Variants in UHRF2 observed in about 807,000 individuals in gnomAD.
The protein encoded by UHRF2 is ubiquitin like with PHD and ring finger domains 2, also known as E3 ubiquitin-protein ligase UHRF2.
A neutral mutation model predicts 96.8 loss-of-function variants in UHRF2; 23 were observed. The ratio of observed to expected loss-of-function variants is 0.24; its 90% confidence interval spans 0.17 to 0.34. UHRF2 has a LOEUF of 0.34. UHRF2 is among the 10% of genes least tolerant of loss of function. The pLI is 1.00. For missense variants in UHRF2, 685 were observed against 981.5 expected, an observed-to-expected ratio of 0.70 and a Z score of 4.04; for synonymous variants, 385 against 332.6, an observed-to-expected ratio of 1.16 and a Z score of -1.72.
At chr9:6,436,288 G>A (rs1328018798) in intron 3 of UHRF2, among the ~76,000 whole-genome samples, 5 of 152,118 alleles carry the variant, frequency 3.3e-5, no homozygotes, top group Non-Finnish European at 7.4e-5. Flanking sequence ...TTGTGGCTAA[G>A]CGGCCAACAC....
intron 2 of UHRF2, among the ~76,000 whole-genome samples, chr9:6,426,099 C>T (rs567552030): frequency 7.2e-5 from 11 of 152,344 alleles, no homozygotes; most frequent in Non-Finnish European, 1.3e-4. Context: ...ACTTAAATTT[C>T]TGTTTAGCAA....
intron 3 of UHRF2, among the ~76,000 whole-genome samples, chr9:6,438,091 A>G (rs1820957561): frequency 6.6e-6 from 1 of 152,234 alleles, no homozygotes; most frequent in Non-Finnish European, 1.5e-5. Flanking sequence ...AGAGTAGCCA[A>G]AAAAACTAAA....
At chr9:6,424,776 ATT>A (rs200890506) in intron 2 of UHRF2, among the ~76,000 whole-genome samples, 20 of 135,064 alleles carry the variant, frequency 1.5e-4, no homozygotes, top group African/African-American at 4.2e-4. Flanking sequence ...ATTTCTCAGG[ATT>A]TTTTTTTTTT....
intron 3 of UHRF2, among the ~76,000 whole-genome samples, chr9:6,445,552 C>T (rs574967432): frequency 3.0e-4 from 46 of 152,224 alleles, no homozygotes; most frequent in African/African-American, 1.1e-3. Flanking sequence ...TGAGCCACCA[C>T]GCCTAGCCTC....
intron 10 of UHRF2, 76 bp downstream of exon 10, chr9:6,494,008 G>T (rs571317691): frequency 7.1e-6 from 9 of 1,274,052 alleles, no homozygotes; most frequent in African/African-American, 1.5e-5. Flanking sequence ...TGTAACTTAC[G>T]TTGCAGAGGA....
intron 3 of UHRF2, chr9:6,449,380 C>T (rs1015809862): frequency 2.0e-5 from 3 of 152,224 alleles, no homozygotes; most frequent in Non-Finnish European, 2.9e-5. Flanking sequence ...GAACAGCACT[C>T]AGGCTTTTCC....
rs766214915 is a variant in UHRF2, at chr9:6,482,057, T to C, written c.1350T>C (p.Ile450=). The C allele has an allele frequency of 6.2e-7, 1 of 1,614,154 alleles. No individual in the cohort carries two copies. The highest frequency in any genetic ancestry group is 8.5e-7 in the Non-Finnish European group (1 of 1,179,998). Residue 450 remains isoleucine (I), a synonymous_variant, in exon 8 of 16, where the codon ATT becomes ATC. Transcript: ENST00000276893. The stretch of plus-strand genomic sequence containing the variant: ...TCCCTTCTAATCATTATGGACCCAT[T>C]CCTGGTATTCCTGTTGGATCAACTT... ...TIVPSNHYGP[I]PGIPVGSTWR...
intron 3 of UHRF2, among the ~76,000 whole-genome samples, chr9:6,454,450 A>G (rs560689002): frequency 6.6e-6 from 1 of 152,296 alleles, no homozygotes; most frequent in East Asian, 1.9e-4. Context: ...GACTTAAGGC[A>G]TAGAATGAGT....
chr9:6,416,778 C>G (rs918002565), intron 1 of UHRF2, among the ~76,000 whole-genome samples: 1 of 152,018 alleles, frequency 6.6e-6, no homozygotes. Context: ...CCGCCCGCCT[C>G]GGCCTCCCAA....
At chr9:6,441,248 C>G (rs1431999344) in intron 3 of UHRF2, among the ~76,000 whole-genome samples, 1 of 152,056 alleles carries the variant, frequency 6.6e-6, no homozygotes, top group South Asian at 2.1e-4. Context: ...GTGGTGTGCA[C>G]CTGTAGTCCC....
chr9:6,484,578 T>TC (rs1171429392), intron 8 of UHRF2: 1 of 130,314 alleles, frequency 7.7e-6, no homozygotes, highest in East Asian at 2.1e-4. Context: ...GATTTTTGTG[T>TC]TTTTTTTTTT....
At chr9:6,492,027 C>T (rs912772294) in intron 9 of UHRF2, among the ~76,000 whole-genome samples, 2 of 152,194 alleles carry the variant, frequency 1.3e-5, no homozygotes, top group Admixed American at 6.5e-5. Context: ...ATCATTGCGC[C>T]TGGCCTTTCC....
chr9:6,469,379 G>A (rs911439790), intron 4 of UHRF2, among the ~76,000 whole-genome samples: 5 of 151,938 alleles, frequency 3.3e-5, no homozygotes, highest in Admixed American at 6.6e-5. Flanking sequence ...TTAGCTGGGC[G>A]TGGTGGCAGG....
intron 8 of UHRF2, among the ~76,000 whole-genome samples, chr9:6,486,221 A>C (rs1824281509): frequency 6.6e-6 from 1 of 152,226 alleles, no homozygotes; most frequent in African/African-American, 2.4e-5. Flanking sequence ...TGAAGGAGCA[A>C]AACTAGAGGC....
At chr9:6,445,225 A>G (rs1054718519) in intron 3 of UHRF2, among the ~76,000 whole-genome samples, 2 of 149,782 alleles carry the variant, frequency 1.3e-5, no homozygotes, top group Non-Finnish European at 3.0e-5. Flanking sequence ...TCAGCTTTTA[A>G]TTTCCTTATC....
intron 3 of UHRF2, among the ~76,000 whole-genome samples, chr9:6,453,361 A>T (rs1745243032): frequency 6.6e-6 from 1 of 152,240 alleles, no homozygotes; most frequent in African/African-American, 2.4e-5. Flanking sequence ...AGTGTTATTT[A>T]AAAACATACA....
chr9:6,461,348 TCTCTCCCCCCCCTCCTC>T (rs1471584205), intron 4 of UHRF2, among the ~76,000 whole-genome samples: 147 of 94,760 alleles, frequency 1.6e-3, no homozygotes, highest in Non-Finnish European at 1.9e-3. Context: ...CCTCCCTCTC[TCTCTCCCCCCCCTCCTC>T]CTCTCCCCCT....
chr9:6,477,186 T>C (rs1344859517), intron 5 of UHRF2, among the ~76,000 whole-genome samples: 1 of 150,858 alleles, frequency 6.6e-6, no homozygotes, highest in Non-Finnish European at 1.5e-5. Context: ...TGAGCTAAGA[T>C]TGGCACCATT....
intron 7 of UHRF2, 84 bp from the exon 8 acceptor site, chr9:6,481,908 G>T: frequency 6.5e-7 from 1 of 1,549,028 alleles, no homozygotes; most frequent in East Asian, 2.3e-5. Context: ...TAAACAGTTG[G>T]GTTCCTAGTC....
Sources: allele counts gnomAD v4.1 joint callset (sites outside exome capture counted in the v4.1 genomes callset), GRCh38; gene constraint gnomAD v4.1.1; transcripts MANE v1.5; gene names NCBI Gene and HGNC (gene_info 2026-07-23, HGNC 2026-07-21).